Variants in DMD observed in about 807,000 individuals in gnomAD.
DMD encodes mutant dystrophin.
A neutral mutation model predicts 330.1 loss-of-function variants in DMD; 63 were observed. The ratio of observed to expected loss-of-function variants is 0.19; its 90% confidence interval spans 0.16 to 0.24. DMD has a LOEUF of 0.24. DMD is among the 10% of genes least tolerant of loss of function. The probability of loss-of-function intolerance (pLI) is 1.00; values close to 1 mark genes in which losing one functional copy is unlikely to be tolerated. For synonymous variants in DMD, 1,223 were observed against 959.8 expected (o/e 1.27, Z -5.07); for missense variants, 3,344 against 2,684.1 (o/e 1.25, Z -5.43).
chrX:32,710,016 T>A (rs374655181), intron 7 of DMD, among the ~76,000 whole-genome samples: 1 of 111,216 alleles, frequency 9.0e-6, no homozygotes, highest in Non-Finnish European at 1.9e-5. Flanking sequence ...TGTTGAAAAT[T>A]GAGCACTGCT....
intron 60 of DMD, among the ~76,000 whole-genome samples, chrX:31,396,089 G>A (rs1430700091): frequency 9.1e-6 from 1 of 110,464 alleles, no homozygotes; most frequent in Non-Finnish European, 1.9e-5. Flanking sequence ...CTGGATATAG[G>A]TATATTCTGA....
chrX:33,060,752 G>T lies in DMD; in HGVS notation c.32-40552C>A, dbSNP rs956631287. Among the ~76,000 whole-genome samples, 5 of 107,745 alleles carry T rather than the reference G, an allele frequency of 4.6e-5. No individual in the cohort carries two copies. The Middle Eastern group carries it at 0.014, about 309-fold the overall frequency. 93.6% of individuals were successfully genotyped at this position (107,745 alleles called of 115,157 possible). A position where few individuals can be genotyped will look rare whatever the true frequency, so the allele number is the denominator to read the frequency against. On this transcript the variant is annotated intron_variant, in intron 1 of 78. Transcript: ENST00000357033. ...ACCGGGAGGCTGAAGCAGGAGAATC[G>T]CTTGAACCTGGGAGGCAGAGGTTGC...
chrX:32,054,056 T>C (rs1303425647), intron 44 of DMD, among the ~76,000 whole-genome samples: 8 of 103,223 alleles, frequency 7.8e-5, no homozygotes, highest in African/African-American at 2.8e-4. Context: ...CTTAATCATA[T>C]TGTATATGTG....
intron 50 of DMD, among the ~76,000 whole-genome samples, chrX:31,805,537 CCTTT>C (rs2092261362): frequency 9.0e-6 from 1 of 111,453 alleles, no homozygotes; most frequent in Non-Finnish European, 1.9e-5. Context: ...CTAGTTATCC[CCTTT>C]CTTTGTATTT....
At chrX:31,878,969 C>G (rs1193735888) in intron 47 of DMD, among the ~76,000 whole-genome samples, 1 of 111,152 alleles carries the variant, frequency 9.0e-6, no homozygotes, top group Admixed American at 9.6e-5. Context: ...TAAACTTTGA[C>G]CTGGAAATTT....
chrX:32,255,718 G>A (rs889275387), intron 43 of DMD, among the ~76,000 whole-genome samples: 9 of 112,295 alleles, frequency 8.0e-5, no homozygotes, highest in African/African-American at 2.9e-4. Flanking sequence ...AATCTCAAAG[G>A]AAGTTAATCC....
intron 44 of DMD, among the ~76,000 whole-genome samples, chrX:32,173,850 T>G (rs1389902516): frequency 8.9e-6 from 1 of 112,027 alleles, no homozygotes; most frequent in Non-Finnish European, 1.9e-5. Flanking sequence ...TGTTGCTGTA[T>G]TGTTCCATTT....
At chrX:33,026,343 AAAAAGAAAG>A (rs1569550357) in intron 1 of DMD, among the ~76,000 whole-genome samples, 6 of 97,549 alleles carry the variant, frequency 6.2e-5, no homozygotes, top group African/African-American at 2.3e-4. Flanking sequence ...AAAAAAAAAA[AAAAAGAAAG>A]AAAAGAAAAT....
intron 62 of DMD, among the ~76,000 whole-genome samples, chrX:31,286,898 TG>T (rs1346677379): frequency 8.9e-6 from 1 of 112,307 alleles, no homozygotes; most frequent in Non-Finnish European, 1.9e-5. Flanking sequence ...GGATTACAGC[TG>T]GGATTACAGG....
chrX:32,622,799 A>C (rs1466398406), intron 11 of DMD, among the ~76,000 whole-genome samples: 1 of 111,662 alleles, frequency 9.0e-6, no homozygotes, highest in Non-Finnish European at 1.9e-5. Context: ...TCTCAAACTT[A>C]AATATGGATA....
At chrX:32,705,144 T>G (rs1165169932) in intron 7 of DMD, among the ~76,000 whole-genome samples, 1 of 112,048 alleles carries the variant, frequency 8.9e-6, no homozygotes, top group Non-Finnish European at 1.9e-5. Context: ...TATACAACAT[T>G]TTAATTAAAA....
chrX:32,741,173 G>T (rs1479736273), intron 7 of DMD, among the ~76,000 whole-genome samples: 1 of 111,320 alleles, frequency 9.0e-6, no homozygotes, highest in Admixed American at 9.6e-5. Flanking sequence ...CTGATGACTG[G>T]ACATAGCTAA....
chrX:32,649,521 A>G (rs1175195236), intron 9 of DMD, among the ~76,000 whole-genome samples: 2 of 97,736 alleles, frequency 2.0e-5, no homozygotes, highest in Non-Finnish European at 4.0e-5. Context: ...GCGCCACTGC[A>G]CTCCGGCCTG....
chrX:31,612,867 G>A (rs1379044430), intron 55 of DMD, among the ~76,000 whole-genome samples: 1 of 111,858 alleles, frequency 8.9e-6, no homozygotes, highest in Non-Finnish European at 1.9e-5. Flanking sequence ...AAGTCAGAAG[G>A]GAAGTTATTT....
At position 31,470,797 on chromosome X, in the gene DMD, T is replaced by A. The variant is rs192220871; in HGVS notation, c.8937+7309A>T. On this transcript the variant is annotated intron_variant, in intron 59 of 78. Coordinates refer to ENST00000357033, the MANE Select transcript of DMD (RefSeq NM_004006.3). ...CTGTCCCAGGGAGATGGGAGTTTTA[T>A]CTATAAGCCCCTGACTGGGGCTGCT... Among the ~76,000 whole-genome samples, 763 of 112,064 alleles carry A rather than the reference T, an allele frequency of 6.8e-3. 5 individuals carry two copies. Among genetic ancestry groups the A allele is most frequent in the African/African-American group, 0.024 (732 of 30,863 alleles).
chrX:32,031,687 C>T (rs1366319653), intron 44 of DMD, among the ~76,000 whole-genome samples: 4 of 111,905 alleles, frequency 3.6e-5, no homozygotes, highest in African/African-American at 6.5e-5. Context: ...TCATTCCTGG[C>T]ATATTTCTGT....
intron 2 of DMD, among the ~76,000 whole-genome samples, chrX:32,862,310 A>T (rs981618111): frequency 2.7e-5 from 3 of 112,127 alleles, no homozygotes; most frequent in African/African-American, 9.7e-5. Context: ...TATGTATGTT[A>T]CTCTATTAAG....
At chrX:32,503,921 T>C (rs1474848948) in intron 18 of DMD, among the ~76,000 whole-genome samples, 1 of 111,963 alleles carries the variant, frequency 8.9e-6, no homozygotes, top group African/African-American at 3.3e-5. Context: ...TGACGATATC[T>C]GACTTCAAGG....
intron 63 of DMD, among the ~76,000 whole-genome samples, chrX:31,238,007 A>C (rs1007185703): frequency 8.9e-6 from 1 of 112,185 alleles, no homozygotes; most frequent in Non-Finnish European, 1.9e-5. Flanking sequence ...GGCGTGAACT[A>C]TTGTGCCCAG....
Sources: gnomAD v4.1 joint callset for allele counts (sites outside exome capture counted in the v4.1 genomes callset) on GRCh38, gnomAD v4.1.1 for gene constraint, MANE v1.5 for transcripts, NCBI Gene and HGNC (gene_info 2026-07-23, HGNC 2026-07-21) for gene names.